The following IQCM variants were observed in gnomAD, a reference collection of about 807,000 sequenced individuals.
IQCM encodes IQ domain-containing protein M.
IQCM carries 45 observed loss-of-function variants against 57.6 expected under a neutral mutation model. The ratio of observed to expected loss-of-function variants is 0.78; its 90% CI spans 0.62 to 1.00. The LOEUF (loss-of-function observed/expected upper bound fraction) is 1.00, where lower values mean the gene tolerates loss of function less well. Among genes scored for constraint, IQCM ranks in the 50% least tolerant of loss-of-function variants. The pLI is 0.00. For missense variants in IQCM, 468 were observed against 511.6 expected (o/e 0.91, Z 0.82); for synonymous variants, 148 against 158.9 (o/e 0.93, Z 0.51).
chr4:149,581,846 C>T (rs1020018422), intron 9 of IQCM, among the ~76,000 whole-genome samples: 1 of 151,564 alleles, frequency 6.6e-6, no homozygotes, highest in African/African-American at 2.4e-5. Context: ...AGTCATGTGA[C>T]TCTCCCATGA....
At chr4:149,490,421 A>G (rs1741973825) in intron 12 of IQCM, among the ~76,000 whole-genome samples, 2 of 152,012 alleles carry the variant, frequency 1.3e-5, no homozygotes, top group Admixed American at 1.3e-4. Context: ...TTTATTGCCA[A>G]CTCTAATTGC....
At chr4:149,597,520 A>C (rs2150025023) in intron 8 of IQCM, among the ~76,000 whole-genome samples, 1 of 152,144 alleles carries the variant, frequency 6.6e-6, no homozygotes, top group South Asian at 2.1e-4. Flanking sequence ...CCTCCCGAGT[A>C]GCTGGGATTA....
At chr4:149,515,955 T>C (rs1579327728) in intron 12 of IQCM, among the ~76,000 whole-genome samples, 3 of 152,082 alleles carry the variant, frequency 2.0e-5, no homozygotes, top group African/African-American at 4.8e-5. Context: ...AGTGGTTAGG[T>C]TGACCCATTC....
At chr4:149,810,954 G>A (rs1774515963) in intron 2 of IQCM, among the ~76,000 whole-genome samples, 1 of 152,078 alleles carries the variant, frequency 6.6e-6, no homozygotes, top group Non-Finnish European at 1.5e-5. Flanking sequence ...GTAGTAGGTG[G>A]TGCCTGAACC....
chr4:149,769,603 G>A (rs78467847), intron 2 of IQCM, among the ~76,000 whole-genome samples: 3,455 of 151,182 alleles, frequency 0.023, 103 homozygotes, highest in African/African-American at 0.07. Context: ...GGTAGACCAC[G>A]CCACAGTAAT....
rs188467896 is a variant in IQCM, at chr4:149,543,454, C to T, written c.1228+5001G>A. Among the ~76,000 whole-genome samples the T allele has an allele frequency of 1.8e-4, 28 of 151,856 alleles. No individual in the cohort carries two copies. In the East Asian group the frequency reaches 3.5e-3, roughly 19 times the overall value. The stretch of plus-strand genomic sequence containing the variant: ...ATTCCCACCTATGAGTGAGAATATG[C>T]GGTGTTTGGTTTTTTGTTCTTGCGA... On this transcript the variant is annotated intron_variant, in intron 12 of 13. Transcript: ENST00000636793.
chr4:149,372,917 T>C (rs1044919355), intron 13 of IQCM, among the ~76,000 whole-genome samples: 1 of 152,130 alleles, frequency 6.6e-6, no homozygotes. Context: ...GAATAGCACA[T>C]GAATATTGTG....
intron 12 of IQCM, among the ~76,000 whole-genome samples, chr4:149,476,653 C>CCGAAAGG (rs1740229713): frequency 6.6e-6 from 1 of 151,996 alleles, no homozygotes; most frequent in African/African-American, 2.4e-5. Flanking sequence ...AAGACATCAA[C>CCGAAAGG]CGAAAGGTAG....
At chr4:149,488,962 A>G (rs1419601397) in intron 12 of IQCM, among the ~76,000 whole-genome samples, 1 of 152,124 alleles carries the variant, frequency 6.6e-6, no homozygotes, top group Non-Finnish European at 1.5e-5. Context: ...AATTTAAGAT[A>G]TTTTTACTAA....
intron 2 of IQCM, among the ~76,000 whole-genome samples, chr4:149,789,467 G>A (rs1388668926): frequency 6.6e-6 from 1 of 152,078 alleles, no homozygotes; most frequent in East Asian, 1.9e-4. Flanking sequence ...CATTTTAATG[G>A]TCTTTAGCTT....
chr4:149,484,202 G>A (rs1218608689), intron 12 of IQCM, among the ~76,000 whole-genome samples: 1 of 152,056 alleles, frequency 6.6e-6, no homozygotes, highest in South Asian at 2.1e-4. Context: ...CTTGACAGGT[G>A]AAGTATGTTT....
At chr4:149,785,011 C>A (rs1050171534) in intron 2 of IQCM, among the ~76,000 whole-genome samples, 2 of 152,118 alleles carry the variant, frequency 1.3e-5, no homozygotes, top group Non-Finnish European at 2.9e-5. Flanking sequence ...GGGAAGTTAA[C>A]AGATACGAAG....
chr4:149,398,763 G>A (rs1732410591), intron 13 of IQCM, among the ~76,000 whole-genome samples: 1 of 151,978 alleles, frequency 6.6e-6, no homozygotes, highest in South Asian at 2.1e-4. Context: ...CTACAGTGCA[G>A]AGGCACACTC....
intron 2 of IQCM, among the ~76,000 whole-genome samples, chr4:149,768,353 C>G (rs1416156171): frequency 2.0e-5 from 3 of 152,054 alleles, no homozygotes; most frequent in African/African-American, 7.2e-5. Flanking sequence ...GAAAATTTTA[C>G]TTTCTAGGTA....
At chr4:149,501,079 C>T (rs1417855510) in intron 12 of IQCM, among the ~76,000 whole-genome samples, 1 of 152,114 alleles carries the variant, frequency 6.6e-6, no homozygotes, top group Non-Finnish European at 1.5e-5. Flanking sequence ...TTTTTCCCTT[C>T]CATATTTTGG....
intron 2 of IQCM, among the ~76,000 whole-genome samples, chr4:149,751,904 G>A (rs917972609): frequency 4.6e-5 from 7 of 152,036 alleles, no homozygotes; most frequent in Admixed American, 6.6e-5. Context: ...GGCCATATTC[G>A]TCAACATCAT....
At chr4:149,551,071 T>G (rs909826752) in intron 11 of IQCM, among the ~76,000 whole-genome samples, 56 of 152,282 alleles carry the variant, frequency 3.7e-4, no homozygotes, top group African/African-American at 1.3e-3. Flanking sequence ...TCTCTCAAGG[T>G]AAAATGCAAT....
At chr4:149,521,769 T>C (rs1745669698) in intron 12 of IQCM, among the ~76,000 whole-genome samples, 2 of 152,214 alleles carry the variant, frequency 1.3e-5, no homozygotes, top group South Asian at 4.1e-4. Flanking sequence ...TCAGGTTATA[T>C]TGGCCTTTGG....
Position 149,433,448 on chromosome 4 carries a change from C to T in IQCM, c.1338G>A (p.Lys446=). ...TTACTATGGGTCTCAACCAAGTCGACTTGAGTAGTGTACTGTCAGGCACAT... is the reference window on the plus strand; with the variant it reads ...TTACTATGGGTCTCAACCAAGTCGATTTGAGTAGTGTACTGTCAGGCACAT... ...GAHVPDSTLL[K]STWLRPIVNG... The change falls in exon 13 of 14, where the codon AAG becomes AAA. Residue 446 remains lysine, a synonymous_variant. Coordinates refer to ENST00000636793, the MANE Select transcript of IQCM (RefSeq NM_001363507.2). The T allele has an allele frequency of 2.4e-6, 3 of 1,227,290 alleles. No individual in the cohort carries two copies. The South Asian group carries it at 1.2e-4, about 51-fold the overall frequency. 76.0% of individuals were successfully genotyped at this position (1,227,290 alleles called of 1,614,324 possible). A position where few individuals can be genotyped will look rare whatever the true frequency, so the allele number is the denominator to read the frequency against.
Sources: gnomAD v4.1 joint callset for allele counts (sites outside exome capture counted in the v4.1 genomes callset) on GRCh38, gnomAD v4.1.1 for gene constraint, MANE v1.5 for transcripts, NCBI Gene and HGNC (gene_info 2026-07-23, HGNC 2026-07-21) for gene names.